Variants in AKAP6 observed in about 807,000 individuals in gnomAD.
The protein encoded by AKAP6 is A-kinase anchoring protein 6.
AKAP6 carries 58 observed loss-of-function variants against 188.5 expected under a neutral mutation model. The ratio of observed to expected loss-of-function variants is 0.31; its 90% CI spans 0.25 to 0.38. AKAP6 has a LOEUF of 0.38. AKAP6 is among the 10% of genes least tolerant of loss of function. The pLI is 1.00. For missense variants in AKAP6, 2,710 were observed against 2,740.0 expected (o/e 0.99, Z 0.24); for synonymous variants, 989 against 998.6 (o/e 0.99, Z 0.18).
chr14:32,631,169 C>A (rs1474903659), intron 7 of AKAP6, among the ~76,000 whole-genome samples: 3 of 151,916 alleles, frequency 2.0e-5, no homozygotes, highest in African/African-American at 7.2e-5. Context: ...ACTAAAATTT[C>A]ATATGGCATA....
intron 8 of AKAP6, among the ~76,000 whole-genome samples, chr14:32,694,898 T>C (rs1248593638): frequency 7.2e-5 from 11 of 152,220 alleles, no homozygotes; most frequent in Admixed American, 7.2e-4. Context: ...TACCTGAGGC[T>C]GCTGCCTCAT....
intron 12 of AKAP6, among the ~76,000 whole-genome samples, chr14:32,783,296 G>GA (rs1318415032): frequency 6.6e-6 from 1 of 151,378 alleles, no homozygotes; most frequent in African/African-American, 2.4e-5. Flanking sequence ...GAAAATTTTA[G>GA]AAAAAAAATC....
chr14:32,414,679 A>G (rs1339933978), intron 1 of AKAP6, among the ~76,000 whole-genome samples: 1 of 152,186 alleles, frequency 6.6e-6, no homozygotes, highest in African/African-American at 2.4e-5. Flanking sequence ...ATATATGTAT[A>G]TAATTAACAT....
chr14:32,332,835 A>C (rs909586604), intron 1 of AKAP6, among the ~76,000 whole-genome samples: 1 of 152,090 alleles, frequency 6.6e-6, no homozygotes. Context: ...AACTCTGTCT[A>C]TCTCTGACAA....
intron 1 of AKAP6, among the ~76,000 whole-genome samples, chr14:32,390,897 A>C (rs1347873865): frequency 6.6e-6 from 1 of 152,160 alleles, no homozygotes; most frequent in Non-Finnish European, 1.5e-5. Context: ...TCAGAGCTGC[A>C]ATCTAGTCCT....
intron 12 of AKAP6, among the ~76,000 whole-genome samples, chr14:32,807,653 A>AT (rs1160978068): frequency 1.3e-5 from 2 of 152,082 alleles, no homozygotes; most frequent in Non-Finnish European, 2.9e-5. Flanking sequence ...TATCTCACCT[A>AT]TTTTTTCTTG....
In AKAP6 at chr14:32,832,370, G is replaced by A. The variant is rs1039661453; in HGVS notation, c.*2565G>A. ...TAGTAACTAATGTCAAGTCTACATC[G>A]ACTGGTAAAACATTCAAAGAACAAA... On this transcript the variant is annotated 3_prime_UTR_variant, in exon 14 of 14. Coordinates refer to ENST00000280979, the MANE Select transcript of AKAP6 (RefSeq NM_004274.5). 2 of 151,962 alleles carry A rather than the reference G, an allele frequency of 1.3e-5. No homozygotes were observed. The highest frequency in any genetic ancestry group is 2.4e-5 in the African/African-American group (1 of 41,380). 9.4% of individuals were successfully genotyped at this position (151,962 alleles called of 1,614,324 possible).
chr14:32,453,477 C>G (rs929180467), intron 2 of AKAP6, among the ~76,000 whole-genome samples: 3 of 150,956 alleles, frequency 2.0e-5, no homozygotes. Flanking sequence ...TTCTTAAAAT[C>G]AATGCCTGTA....
At chr14:32,768,413 C>G (rs2032783865) in intron 11 of AKAP6, among the ~76,000 whole-genome samples, 1 of 151,810 alleles carries the variant, frequency 6.6e-6, no homozygotes, top group Non-Finnish European at 1.5e-5. Context: ...ATAAAAATGA[C>G]AAAAAAGAGT....
chr14:32,707,962 C>T (rs1443551172), intron 9 of AKAP6, among the ~76,000 whole-genome samples: 1 of 151,732 alleles, frequency 6.6e-6, no homozygotes, highest in Non-Finnish European at 1.5e-5. Context: ...ACAAAGACAC[C>T]CATGTCTGAG....
chr14:32,658,075 A>C (rs1016329302), intron 7 of AKAP6, among the ~76,000 whole-genome samples: 1 of 152,152 alleles, frequency 6.6e-6, no homozygotes, highest in Non-Finnish European at 1.5e-5. Context: ...CTGAGACCTC[A>C]GGTATTAAAT....
At chr14:32,762,814 C>T (rs1464590836) in intron 11 of AKAP6, among the ~76,000 whole-genome samples, 1 of 151,974 alleles carries the variant, frequency 6.6e-6, no homozygotes, top group Non-Finnish European at 1.5e-5. Context: ...AATGATTCAA[C>T]TTGATTGGTG....
At chr14:32,362,097 A>G (rs1051142043) in intron 1 of AKAP6, among the ~76,000 whole-genome samples, 1 of 152,132 alleles carries the variant, frequency 6.6e-6, no homozygotes, top group Non-Finnish European at 1.5e-5. Flanking sequence ...TCAGACTAGA[A>G]CTGAGAGGGT....
intron 2 of AKAP6, among the ~76,000 whole-genome samples, chr14:32,455,519 G>A (rs17099164): frequency 0.015 from 2,269 of 152,280 alleles, 53 homozygotes; most frequent in African/African-American, 0.05. Context: ...TAGATAGTGT[G>A]ATGATTTGGA....
intron 2 of AKAP6, among the ~76,000 whole-genome samples, chr14:32,532,845 A>G (rs1478442013): frequency 6.6e-6 from 1 of 152,174 alleles, no homozygotes; most frequent in Non-Finnish European, 1.5e-5. Flanking sequence ...GATGCTCCCC[A>G]TATCAGAGGC....
At chr14:32,632,534 T>G (rs900745823) in intron 7 of AKAP6, among the ~76,000 whole-genome samples, 1 of 152,112 alleles carries the variant, frequency 6.6e-6, no homozygotes, top group African/African-American at 2.4e-5. Flanking sequence ...AATGTTCTAG[T>G]ATCAGCAAAC....
chr14:32,354,788 G>C (rs1056683707), intron 1 of AKAP6, among the ~76,000 whole-genome samples: 8 of 152,198 alleles, frequency 5.3e-5, no homozygotes, highest in Non-Finnish European at 1.0e-4. Context: ...TGAAACTGCT[G>C]TCATAAGGTT....
At chr14:32,780,116 G>A (rs2033194538) in intron 12 of AKAP6, among the ~76,000 whole-genome samples, 2 of 127,970 alleles carry the variant, frequency 1.6e-5, no homozygotes. Context: ...AACAACTGAA[G>A]TGTCCATTAG....
At chr14:32,442,874 T>C (rs936184637) in intron 2 of AKAP6, among the ~76,000 whole-genome samples, 1 of 152,048 alleles carries the variant, frequency 6.6e-6, no homozygotes, top group African/African-American at 2.4e-5. Context: ...CCCACTCTGC[T>C]GTCTTCAAAA....
Sources: allele counts gnomAD v4.1 joint callset (sites outside exome capture counted in the v4.1 genomes callset), GRCh38; gene constraint gnomAD v4.1.1; transcripts MANE v1.5; gene names NCBI Gene and HGNC (gene_info 2026-07-23, HGNC 2026-07-21).